Variants in MUC6 observed in about 807,000 individuals in gnomAD.
MUC6 encodes the protein mucin 6, oligomeric mucus/gel-forming (gene/pseudogene).
MUC6 carries 188 observed loss-of-function variants against 201.5 expected under a neutral mutation model. The ratio of observed to expected loss-of-function variants is 0.93; its 90% CI spans 0.83 to 1.05. The LOEUF is 1.05. MUC6 is among the 50% of genes least tolerant of loss of function. The probability of loss-of-function intolerance (pLI) is 0.00; values close to 1 mark genes in which losing one functional copy is unlikely to be tolerated. For synonymous variants in MUC6, 1,228 were observed against 1,389.4 expected, an observed-to-expected ratio of 0.88 and a Z score of 2.58; for missense variants, 2,706 against 3,256.9, an observed-to-expected ratio of 0.83 and a Z score of 4.12.
rs1396946042 is a variant in MUC6 at position 1,027,017 on chromosome 11, C to T, written c.2318G>A (p.Cys773Tyr). The change falls in exon 19 of 33, where the codon TGC becomes TAC. Residue 773 changes from cysteine to tyrosine, a missense_variant. By Grantham distance (194) the Cys-to-Tyr change is radical. Coordinates refer to ENST00000421673, the MANE Select transcript of MUC6 (RefSeq NM_005961.3). ...SCQAPKTFKS[C>Y]SQSSENKFGA... ...AAACTTGTTCTCGGAGGACTGGCTG[C>T]AGGACTTGAAGGTCTTAGGGGCCTG... 6.2e-7 allele frequency: 1 copy of T among 1,602,708 alleles called. No individual in the cohort carries two copies. The highest frequency in any genetic ancestry group is 1.7e-5 in the Admixed American group (1 of 58,288).
intron 9 of MUC6, 22 bp downstream of exon 9, chr11:1,029,473 C>T: frequency 1.2e-6 from 2 of 1,610,634 alleles, no homozygotes; most frequent in African/African-American, 1.3e-5. Context: ...CCGGCCAGAG[C>T]CCCCTCCGGC....
At chr11:1,025,691 G>A (rs996026402) in intron 22 of MUC6, 114 bp downstream of exon 22, 17 of 1,021,106 alleles carry the variant, frequency 1.7e-5, no homozygotes, top group Admixed American at 8.1e-5. Flanking sequence ...AGAGGCAGGC[G>A]GGGAGGGCTG....
rs772461011 is a variant in MUC6, at chr11:1,026,926, C to T, written c.2394+15G>A. ...GGGCCCGGGCATTGTCCCTGCTCCTCGCGCGCCCCCTTACGCAGGCAACAC... is the reference window on the plus strand; with the variant it reads ...GGGCCCGGGCATTGTCCCTGCTCCTTGCGCGCCCCCTTACGCAGGCAACAC... On this transcript the variant is annotated intron_variant, in intron 19 of 32. Coordinates refer to ENST00000421673, the MANE Select transcript of MUC6 (RefSeq NM_005961.3). 117 of 1,553,550 alleles carry T rather than the reference C, an allele frequency of 7.5e-5. 1 individual carries two copies. Among genetic ancestry groups the T allele is most frequent in the Middle Eastern group, 3.4e-4 (2 of 5,896 alleles).
Position 1,018,724 on chromosome 11 carries a change from C to T in MUC6, c.4077G>A (p.Thr1359=), listed in dbSNP as rs757135128. Reference sequence around the variant, plus strand: ...TTGCTGGGGTTGGACGTGGGCCTGTCGTCTGGGTGGCCGTTGTTCCTGGCA... The same window carrying T: ...TTGCTGGGGTTGGACGTGGGCCTGTTGTCTGGGTGGCCGTTGTTCCTGGCA... ...QELPGTTATQ[T]TGPRPTPAST... Residue 1359 remains threonine (T), a synonymous_variant, in exon 31 of 33, where the codon ACG becomes ACA. Transcript: ENST00000421673. 16 of 1,586,088 alleles carry T rather than the reference C, an allele frequency of 1.0e-5. No homozygotes were observed. Among genetic ancestry groups the T allele is most frequent in the South Asian group, 2.3e-5 (2 of 87,268 alleles).
intron 2 of MUC6, 145 bp from the exon 3 acceptor site, chr11:1,032,198 A>T: frequency 8.9e-7 from 1 of 1,119,896 alleles, no homozygotes; most frequent in South Asian, 1.5e-5. Flanking sequence ...CATCCGATGA[A>T]CCTGAGTGCT....
chr11:1,023,890 C>T, intron 25 of MUC6, 57 bp downstream of exon 25: 1 of 1,586,590 alleles, frequency 6.3e-7, no homozygotes, highest in Admixed American at 1.8e-5. Flanking sequence ...TGCGCCGGCC[C>T]TTAGTGGCGC....
Position 1,013,734 on chromosome 11 carries a change from C to A in MUC6, c.7143-101G>T, listed in dbSNP as rs114154508. Reference sequence around the variant, plus strand: ...CTCCGCAGAGGCCTGGACCTCCCCGCTGAGCTCCCGGCTCACAGGGGCCAG... The same window carrying A: ...CTCCGCAGAGGCCTGGACCTCCCCGATGAGCTCCCGGCTCACAGGGGCCAG... On this transcript the variant is annotated intron_variant, in intron 32 of 32. Transcript: ENST00000421673. 4.4e-3 allele frequency: 6,246 copies of A among 1,425,288 alleles called. 220 individuals are homozygous for A. In the African/African-American group the frequency reaches 0.076, roughly 17 times the overall value. 88.3% of individuals were successfully genotyped at this position (1,425,288 alleles called of 1,614,324 possible).
At chr11:1,030,810 A>T (rs1361182958) in intron 6 of MUC6, 30 bp from the exon 7 acceptor site, 1 of 1,532,330 alleles carries the variant, frequency 6.5e-7, no homozygotes, top group South Asian at 1.2e-5. Context: ...TCATGGGGGC[A>T]AAGGCCACAC....
At chr11:1,022,626 C>G (rs947099636) in intron 26 of MUC6, among the ~76,000 whole-genome samples, 1 of 152,256 alleles carries the variant, frequency 6.6e-6, no homozygotes, top group Non-Finnish European at 1.5e-5. Context: ...TCCTTAAGCA[C>G]CTCTCCCTGG....
chr11:1,030,827 C>T, intron 6 of MUC6, 47 bp from the exon 7 acceptor site: 1 of 1,529,020 alleles, frequency 6.5e-7, no homozygotes, highest in South Asian at 1.2e-5. Flanking sequence ...ACACCCCATG[C>T]CACCACGACT....
At chr11:1,027,097 G>T in intron 18 of MUC6, 44 bp downstream of exon 18, 1 of 1,610,696 alleles carries the variant, frequency 6.2e-7, no homozygotes, top group South Asian at 1.1e-5. Context: ...AGGAAGCCGG[G>T]GCCCCTCACA....
At position 1,025,210 on chromosome 11, in the gene MUC6, A is replaced by G. The variant is rs1856925592; in HGVS notation, c.2957T>C (p.Ile986Thr). 4 of 1,612,564 alleles carry G rather than the reference A, an allele frequency of 2.5e-6. No individual in the cohort carries two copies. Among genetic ancestry groups the G allele is most frequent in the East Asian group, 2.2e-5 (1 of 44,852 alleles). The change falls in exon 23 of 33, where the codon ATC (isoleucine) becomes ACC (threonine). Residue 986 changes from isoleucine (I) to threonine (T), a missense_variant. By Grantham distance (89) the Ile-to-Thr change is moderately conservative (BLOSUM62 -1). This residue lies in a region of MUC6 where 1,850 missense variants were observed against 1,958.3 expected (regional missense o/e 0.94). Coordinates refer to ENST00000421673, the MANE Select transcript of MUC6 (RefSeq NM_005961.3). ...GGAGGCACGGGCGATCCTGATGAGG[A>G]TGGTCATGTGCCTGTTCCAGATGAG... ...LTLIWNRHMT[I>T]LIRIARASQD...
In MUC6 at chr11:1,032,473, G is replaced by T. The variant is rs554482929; in HGVS notation, c.116-420C>A. Among the ~76,000 whole-genome samples, 70 of 151,924 alleles carry T rather than the reference G, an allele frequency of 4.6e-4. 1 individual carries two copies. In the South Asian group the frequency reaches 0.01, roughly 22 times the overall value. The stretch of plus-strand genomic sequence containing the variant: ...GCACATGTGTGTTTGTGTGAGCTGG[G>T]CATGTGTGTCGAGTGCATGTGTGTG... On this transcript the variant is annotated intron_variant, in intron 2 of 32. Transcript: ENST00000421673.
rs377700029 is a variant in MUC6, at chr11:1,028,316, C to T, written c.1663G>A (p.Ala555Thr). Reference protein sequence around the residue: ...TTSMGIAEGTASLFVDSWRAG... With the variant: ...TTSMGIAEGTTSLFVDSWRAG... ...CGCCAGGAGTCCACAAACAGCGAGG[C>T]GGTGCCCTCGGCGATACCCATGCTA... Residue 555 changes from alanine to threonine, a missense_variant, in exon 14 of 33, where the codon GCC becomes ACC. Physicochemically the swap from Ala to Thr is moderately conservative, Grantham distance 58. Around this residue, in one of 10 missense-constraint regions of MUC6, gnomAD observed 1,850 missense variants for 1,958.3 expected, o/e 0.94. Transcript: ENST00000421673. 2.1e-5 allele frequency: 34 copies of T among 1,612,008 alleles called. No individual in the cohort carries two copies. The highest frequency in any genetic ancestry group is 8.0e-5 in the African/African-American group (6 of 74,908).
Position 1,020,605 on chromosome 11 carries a change from C to T in MUC6, c.3640+79G>A, listed in dbSNP as rs182528185. On this transcript the variant is annotated intron_variant, in intron 28 of 32. Transcript: ENST00000421673. ...GCCTGCCCCCTCCCTGCTTCCCACCCGACAGATTTGTCCAGGGAACCGAGG... is the reference window on the plus strand; with the variant it reads ...GCCTGCCCCCTCCCTGCTTCCCACCTGACAGATTTGTCCAGGGAACCGAGG... 3.5e-4 allele frequency: 556 copies of T among 1,587,130 alleles called. 5 individuals are homozygous for T. In the African/African-American group the frequency reaches 6.0e-3, roughly 17 times the overall value.
rs115268132 is a variant in MUC6, at chr11:1,026,930, C to T, written c.2394+11G>A. 6,360 of 1,561,594 alleles carry T rather than the reference C, an allele frequency of 4.1e-3. 241 individuals carry two copies. In the African/African-American group the frequency reaches 0.075, roughly 18 times the overall value. ...CCGGGCATTGTCCCTGCTCCTCGCGCGCCCCCTTACGCAGGCAACACCGGT... is the reference window on the plus strand; with the variant it reads ...CCGGGCATTGTCCCTGCTCCTCGCGTGCCCCCTTACGCAGGCAACACCGGT... On this transcript the variant is annotated intron_variant, in intron 19 of 32. Transcript: ENST00000421673.
intron 24 of MUC6, among the ~76,000 whole-genome samples, 200 bp from the exon 25 acceptor site, chr11:1,024,303 C>T (rs1039121682): frequency 3.3e-5 from 5 of 152,182 alleles, no homozygotes; most frequent in South Asian, 2.1e-4. Context: ...AGGCCTGACC[C>T]GAGCTCACGC....
chr11:1,031,295 A>G (rs1857098330), intron 4 of MUC6, 36 bp from the exon 5 acceptor site: 3 of 1,481,926 alleles, frequency 2.0e-6, no homozygotes, highest in African/African-American at 1.4e-5. Flanking sequence ...CCCGGGGGCC[A>G]GGGGCCCCCT....
chr11:1,028,094 C>T, intron 14 of MUC6, 35 bp from the exon 15 acceptor site: 1 of 1,550,242 alleles, frequency 6.5e-7, no homozygotes, highest in East Asian at 2.4e-5. Flanking sequence ...AGTCCCGGCC[C>T]CTCCCATTCC....
Sources: gnomAD v4.1 joint callset for allele counts (sites outside exome capture counted in the v4.1 genomes callset) on GRCh38, gnomAD v4.1.1 for gene constraint, gnomAD v4.1.1 regional missense constraint, MANE v1.5 for transcripts, NCBI Gene and HGNC (gene_info 2026-07-23, HGNC 2026-07-21) for gene names.